The following ANKS4B variants were observed in gnomAD, a reference collection of about 807,000 sequenced individuals.
ANKS4B encodes the protein ankyrin repeat and SAM domain-containing protein 4B.
In ANKS4B, 21 loss-of-function variants were observed where a neutral mutation model predicts 20.2. The ratio of observed to expected loss-of-function variants is 1.04; its 90% CI spans 0.74 to 1.50. The LOEUF is 1.50. ANKS4B is among the 40% of genes most tolerant of loss of function. ANKS4B has a pLI of 0.00. For synonymous variants in ANKS4B, 179 were observed against 194.5 expected (o/e 0.92, Z 0.66); for missense variants, 473 against 494.6 (o/e 0.96, Z 0.41).
chr16:21,236,559 C>T (rs1199371861), intron 1 of ANKS4B, among the ~76,000 whole-genome samples: 2 of 152,092 alleles, frequency 1.3e-5, no homozygotes, highest in African/African-American at 4.8e-5. Context: ...TACAATAACT[C>T]TTCTGCTGGT....
intron 1 of ANKS4B, among the ~76,000 whole-genome samples, chr16:21,241,040 T>A (rs1243388325): frequency 6.6e-6 from 1 of 152,178 alleles, no homozygotes; most frequent in Non-Finnish European, 1.5e-5. Flanking sequence ...GCGATCCACC[T>A]GCCTTGGCCT....
chr16:21,238,176 CA>C (rs753135773), intron 1 of ANKS4B, among the ~76,000 whole-genome samples: 14 of 152,040 alleles, frequency 9.2e-5, no homozygotes, highest in Non-Finnish European at 1.9e-4. Context: ...TCTCAAAAAA[CA>C]AAACAAAACA....
chr16:21,248,120 CAG>C (rs2093334513), intron 1 of ANKS4B, among the ~76,000 whole-genome samples: 1 of 152,182 alleles, frequency 6.6e-6, no homozygotes, highest in African/African-American at 2.4e-5. Flanking sequence ...ACCAGCTTGT[CAG>C]AGTTATTTCC....
chr16:21,238,755 C>T (rs2093323148), intron 1 of ANKS4B: 1 of 152,078 alleles, frequency 6.6e-6, no homozygotes, highest in South Asian at 2.1e-4. Context: ...TATAAATATC[C>T]AGTCCCCCCA....
intron 1 of ANKS4B, among the ~76,000 whole-genome samples, chr16:21,242,169 CA>C (rs1200424079): frequency 6.6e-6 from 1 of 152,118 alleles, no homozygotes; most frequent in Admixed American, 6.5e-5. Flanking sequence ...GCCTAGTTAC[CA>C]CCATTCTACT....
At chr16:21,247,030 A>G (rs186147833) in intron 1 of ANKS4B, among the ~76,000 whole-genome samples, 3 of 151,272 alleles carry the variant, frequency 2.0e-5, no homozygotes, top group Admixed American at 2.0e-4. Flanking sequence ...TTCTGATTCA[A>G]TAGGTCTGGG....
intron 1 of ANKS4B, among the ~76,000 whole-genome samples, chr16:21,240,031 T>C (rs1194777154): frequency 6.6e-6 from 1 of 152,326 alleles, no homozygotes; most frequent in East Asian, 1.9e-4. Context: ...TCCATTTCAG[T>C]CTGATGATTT....
In ANKS4B at chr16:21,252,520, A is replaced by G. The variant is rs2093340777; in HGVS notation, c.*1700A>G. On this transcript the variant is annotated 3_prime_UTR_variant, in exon 2 of 2. Transcript: ENST00000311620. ...AGTAAGAGGGTTGGGGAGGAGACCA[A>G]GAAAAATACAGAAAAAAAGTCTGTC... 1 of 152,274 alleles carries G rather than the reference A, an allele frequency of 6.6e-6. No individual in the cohort carries two copies. Among genetic ancestry groups the G allele is most frequent in the South Asian group, 2.1e-4 (1 of 4,836 alleles). 9.4% of individuals were successfully genotyped at this position (152,274 alleles called of 1,614,324 possible).
At chr16:21,239,936 A>C (rs1327866226) in intron 1 of ANKS4B, among the ~76,000 whole-genome samples, 1 of 152,238 alleles carries the variant, frequency 6.6e-6, no homozygotes, top group Non-Finnish European at 1.5e-5. Flanking sequence ...CCTATATAAC[A>C]AACCTGCACA....
chr16:21,247,487 C>T (rs886804265), intron 1 of ANKS4B, among the ~76,000 whole-genome samples: 22 of 152,198 alleles, frequency 1.4e-4, no homozygotes, highest in African/African-American at 5.1e-4. Context: ...TTCTCTTCTG[C>T]TTCTGTCTGC....
intron 1 of ANKS4B, among the ~76,000 whole-genome samples, chr16:21,237,699 C>A (rs751100300): frequency 2.0e-5 from 3 of 152,168 alleles, no homozygotes; most frequent in Non-Finnish European, 4.4e-5. Flanking sequence ...CTAAAGGCCA[C>A]ACTGCTTAAC....
In ANKS4B at chr16:21,247,705, G is replaced by A. The variant is rs186340458; in HGVS notation, c.165-2026G>A. Among the ~76,000 whole-genome samples, 35 of 152,276 alleles carry A rather than the reference G, an allele frequency of 2.3e-4. No homozygotes were observed. The East Asian group carries it at 5.4e-3, about 23-fold the overall frequency. On this transcript the variant is annotated intron_variant, in intron 1 of 1. Transcript: ENST00000311620. ...AAAATAGTTACTCGACTTTTTATCT[G>A]TTCCTGTTTGTAACTCAAGTCCTTG...
intron 1 of ANKS4B, 28 bp from the exon 2 acceptor site, chr16:21,249,703 G>A (rs373793273): frequency 6.4e-7 from 1 of 1,552,952 alleles, no homozygotes; most frequent in Non-Finnish European, 8.7e-7. Flanking sequence ...AGTCCAACAT[G>A]TATTTTTTTT....
chr16:21,237,057 GTCAC>G (rs1286964978), intron 1 of ANKS4B, among the ~76,000 whole-genome samples: 2 of 152,000 alleles, frequency 1.3e-5, no homozygotes, highest in Non-Finnish European at 2.9e-5. Flanking sequence ...GAGTCTCTCT[GTCAC>G]TCAGGCTGGA....
rs183797174 is a variant in ANKS4B, at chr16:21,250,134, G to C, written c.568G>C (p.Ala190Pro). The change falls in exon 2 of 2, where the codon GCT becomes CCT. Residue 190 changes from alanine to proline, a missense_variant. Ala to Pro is a conservative substitution (Grantham distance 27). Coordinates refer to ENST00000311620, the MANE Select transcript of ANKS4B (RefSeq NM_145865.3). ...CAGATCATCCCCTTCAAATGCTTCT[G>C]CTCCTGGCACATTCGGGTCACTATC... ...FSRSSPSNAS[A>P]PGTFGSLSKG... is the part of the protein sequence containing the mutation. The C allele has an allele frequency of 2.3e-5, 37 of 1,614,152 alleles. No homozygotes were observed. The East Asian group carries it at 7.6e-4, about 33-fold the overall frequency.
Position 21,250,705 on chromosome 16 carries a change from A to G in ANKS4B, c.1139A>G (p.Glu380Gly). 1 of 1,612,742 alleles carries G rather than the reference A, an allele frequency of 6.2e-7. No individual in the cohort carries two copies. The highest frequency in any genetic ancestry group is 2.2e-5 in the East Asian group (1 of 44,828). The change falls in exon 2 of 2, where the codon GAG becomes GGG. Residue 380 changes from glutamate (E) to glycine (G), a missense_variant. By Grantham distance (98) the Glu-to-Gly change is moderately conservative. Coordinates refer to ENST00000311620, the MANE Select transcript of ANKS4B (RefSeq NM_145865.3). ...DLEALLLCSD[E>G]DLQSIQMQLG... ...GAAGCTCTGCTGCTCTGCTCTGATGAGGACCTTCAGAGCATACAAATGCAG... is the reference window on the plus strand; with the variant it reads ...GAAGCTCTGCTGCTCTGCTCTGATGGGGACCTTCAGAGCATACAAATGCAG...
rs2093340607 is a variant in ANKS4B, at chr16:21,252,332, G to C, written c.*1512G>C. ...GAGAAGGTGGCCGTCTGCAAGCCGA[G>C]GAGGGGGCCTCAGGAGAAACCAACC... On this transcript the variant is annotated 3_prime_UTR_variant, in exon 2 of 2. Coordinates refer to ENST00000311620, the MANE Select transcript of ANKS4B (RefSeq NM_145865.3). 1 of 152,308 alleles carries C rather than the reference G, an allele frequency of 6.6e-6. No homozygotes were observed. The highest frequency in any genetic ancestry group is 1.5e-5 in the Non-Finnish European group (1 of 68,076). 9.4% of individuals were successfully genotyped at this position (152,308 alleles called of 1,614,324 possible).
intron 1 of ANKS4B, among the ~76,000 whole-genome samples, chr16:21,236,130 C>A (rs988915627): frequency 1.3e-5 from 2 of 152,002 alleles, no homozygotes; most frequent in Non-Finnish European, 1.5e-5. Context: ...TTTTGGGGAG[C>A]CTTCAGGAAG....
Position 21,250,280 on chromosome 16 carries a change from G to C in ANKS4B, c.714G>C (p.Glu238Asp), listed in dbSNP as rs1401164046. The C allele has an allele frequency of 1.2e-6, 2 of 1,614,066 alleles. No individual in the cohort carries two copies. Among genetic ancestry groups the C allele is most frequent in the Non-Finnish European group, 1.7e-6 (2 of 1,180,046 alleles). Reference sequence around the variant, plus strand: ...TGATGGAAGTGTTCAGAGAGGAAGAGGAAGACTCGTTCTCAGGGGACTTCA... The same window carrying C: ...TGATGGAAGTGTTCAGAGAGGAAGACGAAGACTCGTTCTCAGGGGACTTCA... ...RNVMEVFREEEEDSFSGDFKE... is the reference protein window; with the variant it reads ...RNVMEVFREEDEDSFSGDFKE... The change falls in exon 2 of 2, where the codon GAG (glutamate) becomes GAC (aspartate). Residue 238 changes from glutamate (E) to aspartate (D), a missense_variant. By Grantham distance (45) the Glu-to-Asp change is conservative (BLOSUM62 2). Transcript: ENST00000311620.
Sources: gnomAD v4.1 joint callset for allele counts (sites outside exome capture counted in the v4.1 genomes callset) on GRCh38, gnomAD v4.1.1 for gene constraint, MANE v1.5 for transcripts, NCBI Gene and HGNC (gene_info 2026-07-23, HGNC 2026-07-21) for gene names.